Variants in SERPINA3 observed in about 807,000 individuals in gnomAD.
The protein encoded by SERPINA3 is serpin family A member 3.
SERPINA3 carries 32 observed loss-of-function variants against 26.8 expected under a neutral mutation model. That is an observed-to-expected ratio of 1.20 (90% CI 0.90 to 1.61). SERPINA3 has a LOEUF of 1.61. SERPINA3 is among the 40% of genes most tolerant of loss of function. SERPINA3 has a pLI of 0.00. For missense variants in SERPINA3, 632 were observed against 517.9 expected (o/e 1.22, Z -2.14); for synonymous variants, 252 against 206.4 (o/e 1.22, Z -1.89).
Position 94,619,208 on chromosome 14 carries a change from G to T in SERPINA3, c.657G>T (p.Met219Ile). Residue 219 changes from methionine to isoleucine, a missense_variant, in exon 3 of 5, where the codon ATG becomes ATT. Transcript: ENST00000393078. Reference sequence around the variant, plus strand: ...CTCCACCTTCAGCCAAATGGGAGATGCCCTTTGACCCCCAAGATACTCATC... The same window carrying T: ...CTCCACCTTCAGCCAAATGGGAGATTCCCTTTGACCCCCAAGATACTCATC... Reference protein sequence around the residue: ...NYIFFKAKWEMPFDPQDTHQS... With the variant: ...NYIFFKAKWEIPFDPQDTHQS... 1 of 1,613,708 alleles carries T rather than the reference G, an allele frequency of 6.2e-7. No individual in the cohort carries two copies. Among genetic ancestry groups the T allele is most frequent in the Non-Finnish European group, 8.5e-7 (1 of 1,179,612 alleles).
At chr14:94,621,270 G>A (rs1001295146) in intron 3 of SERPINA3, among the ~76,000 whole-genome samples, 3 of 152,136 alleles carry the variant, frequency 2.0e-5, no homozygotes, top group Non-Finnish European at 4.4e-5. Context: ...GGGAGCAGGG[G>A]CTCAGCAGAT....
chr14:94,614,498 T>C lies in SERPINA3; in HGVS notation c.57T>C (p.Pro19=), dbSNP rs1409961877. 6.2e-7 allele frequency: 1 copy of C among 1,614,016 alleles called. No homozygotes were observed. The highest frequency in any genetic ancestry group is 1.1e-5 in the South Asian group (1 of 91,078). The change falls in exon 2 of 5, where the codon CCT becomes CCC. Residue 19 remains proline, a synonymous_variant. Coordinates refer to ENST00000393078, the MANE Select transcript of SERPINA3 (RefSeq NM_001085.5). Reference sequence around the variant, plus strand: ...GGCTCTTGGCGGCTGGGTTCTGCCCTGCTGTCCTCTGCCACCCTAACAGCC... The same window carrying C: ...GGCTCTTGGCGGCTGGGTTCTGCCCCGCTGTCCTCTGCCACCCTAACAGCC... ...ALGLLAAGFC[P]AVLCHPNSPL...
intron 2 of SERPINA3, among the ~76,000 whole-genome samples, chr14:94,615,702 C>T (rs938334726): frequency 2.6e-5 from 4 of 152,206 alleles, no homozygotes; most frequent in Non-Finnish European, 5.9e-5. Flanking sequence ...GGCATTGTTC[C>T]CATCTGGGGA....
Position 94,614,712 on chromosome 14 carries a change from G to C in SERPINA3, c.271G>C (p.Ala91Pro), listed in dbSNP as rs775322306. 2 of 1,614,110 alleles carry C rather than the reference G, an allele frequency of 1.2e-6. No individual in the cohort carries two copies. Among genetic ancestry groups the C allele is most frequent in the East Asian group, 4.5e-5 (2 of 44,862 alleles). ...STALAFLSLG[A>P]HNTTLTEILK... ...CGCCTTGGCCTTCCTGTCTCTGGGG[G>C]CCCATAATACCACCCTGACAGAGAT... The change falls in exon 2 of 5, where the codon GCC becomes CCC. Residue 91 changes from alanine to proline, a missense_variant. Ala to Pro is a conservative substitution (Grantham distance 27). Coordinates refer to ENST00000393078, the MANE Select transcript of SERPINA3 (RefSeq NM_001085.5).
intron 3 of SERPINA3, among the ~76,000 whole-genome samples, chr14:94,620,782 G>T (rs150667059): frequency 6.6e-6 from 1 of 152,194 alleles, no homozygotes; most frequent in Non-Finnish European, 1.5e-5. Context: ...ATTTCATGGG[G>T]ACACAGTGAG....
At chr14:94,614,278 G>C (rs1885892458) in intron 1 of SERPINA3, 156 bp from the exon 2 acceptor site, 1 of 681,286 alleles carries the variant, frequency 1.5e-6, no homozygotes, top group Non-Finnish European at 2.6e-6. Flanking sequence ...AGAGTGATGT[G>C]TGTCGGGTGC....
intron 3 of SERPINA3, chr14:94,619,925 T>A (rs1886139078): frequency 4.9e-6 from 1 of 202,624 alleles, no homozygotes; most frequent in African/African-American, 2.3e-5. Flanking sequence ...AGACACTAAT[T>A]TGCACCCTGA....
chr14:94,615,046 A>AG lies in SERPINA3; in HGVS notation c.606dup (p.Thr203AspfsTer12), dbSNP rs754167795. The AG allele has an allele frequency of 6.2e-7, 1 of 1,614,190 alleles. No homozygotes were observed. Among genetic ancestry groups the AG allele is most frequent in the South Asian group, 1.1e-5 (1 of 91,078 alleles). Reference sequence around the variant, plus strand: ...GATCTGATCAAGGACCTTGACTCGCAGACAATGATGGTCCTGGTGAATTAC... The same window carrying AG: ...GATCTGATCAAGGACCTTGACTCGCAGGACAATGATGGTCCTGGTGAATTAC... On this transcript the variant is annotated frameshift_variant, in exon 2 of 5. Coordinates refer to ENST00000393078, the MANE Select transcript of SERPINA3 (RefSeq NM_001085.5). LOFTEE classifies it high-confidence loss of function.
intron 3 of SERPINA3, chr14:94,619,869 T>C: frequency 3.9e-6 from 1 of 258,008 alleles, no homozygotes; most frequent in South Asian, 6.8e-5. Context: ...ATTTATTCAT[T>C]CTCTCAGCAT....
At chr14:94,623,501 G>A in intron 4 of SERPINA3, 110 bp from the exon 5 acceptor site, 1 of 989,982 alleles carries the variant, frequency 1.0e-6, no homozygotes, top group Non-Finnish European at 1.6e-6. Context: ...ACAAAGACAG[G>A]CCAGCACTAG....
At chr14:94,619,664 C>T (rs1490695564) in intron 3 of SERPINA3, 196 bp downstream of exon 3, 1 of 657,540 alleles carries the variant, frequency 1.5e-6, no homozygotes, top group African/African-American at 1.8e-5. Context: ...TCAGACAGGA[C>T]AAGGGGCTGA....
intron 4 of SERPINA3, among the ~76,000 whole-genome samples, chr14:94,623,235 G>C (rs549370849): frequency 6.6e-6 from 1 of 152,370 alleles, no homozygotes; most frequent in South Asian, 2.1e-4. Flanking sequence ...TTGTGGTCAA[G>C]AGCTGCCGGG....
At chr14:94,623,487 C>T (rs982159244) in intron 4 of SERPINA3, 124 bp from the exon 5 acceptor site, 1 of 885,824 alleles carries the variant, frequency 1.1e-6, no homozygotes. Flanking sequence ...AAACATTCAA[C>T]AGCACAAAGA....
At chr14:94,616,694 A>G (rs1373526409) in intron 2 of SERPINA3, among the ~76,000 whole-genome samples, 1 of 152,178 alleles carries the variant, frequency 6.6e-6, no homozygotes, top group Non-Finnish European at 1.5e-5. Context: ...CAAGAAAGGA[A>G]GGTTTCCCCT....
At position 94,614,598 on chromosome 14, in the gene SERPINA3, A is replaced by G. The variant is rs1885913844; in HGVS notation, c.157A>G (p.Asn53Asp). 1.2e-6 allele frequency: 2 copies of G among 1,614,128 alleles called. No homozygotes were observed. The highest frequency in any genetic ancestry group is 4.5e-5 in the East Asian group (2 of 44,872). ...CGTGGACCTCGGATTAGCCTCCGCC[A>G]ACGTGGACTTCGCTTTCAGCCTGTA... The part of the protein sequence containing the change: ...THVDLGLASA[N>D]VDFAFSLYKQ... The change falls in exon 2 of 5, where the codon AAC (asparagine) becomes GAC (aspartate). Residue 53 changes from asparagine to aspartate, a missense_variant. Transcript: ENST00000393078.
In SERPINA3 at chr14:94,623,987, G is replaced by A; in HGVS notation, c.*173G>A. On this transcript the variant is annotated 3_prime_UTR_variant, in exon 5 of 5. Coordinates refer to ENST00000393078, the MANE Select transcript of SERPINA3 (RefSeq NM_001085.5). ...TCCCTGTGTAGCTCTCACATGCACA[G>A]GGGCCCATGGACTCTTCAGTCTGGA... The A allele has an allele frequency of 4.4e-6, 3 of 683,890 alleles. No individual in the cohort carries two copies. The highest frequency in any genetic ancestry group is 5.3e-6 in the Non-Finnish European group (2 of 379,270). The allele number at this position is 683,890 out of a possible 1,614,324, so 42.4% of individuals were successfully genotyped here. A position where few individuals can be genotyped will look rare whatever the true frequency, so the allele number is the denominator to read the frequency against.
At chr14:94,617,551 T>A (rs1886047417) in intron 2 of SERPINA3, 1 of 152,214 alleles carries the variant, frequency 6.6e-6, no homozygotes, top group Admixed American at 6.5e-5. Flanking sequence ...CCTCGTTTAA[T>A]TCTCGCAGCG....
intron 2 of SERPINA3, 113 bp from the exon 3 acceptor site, chr14:94,619,082 A>G: frequency 1.6e-6 from 2 of 1,244,092 alleles, no homozygotes; most frequent in Admixed American, 1.7e-5. Flanking sequence ...TCTCTAAACC[A>G]AAGCAGGGTC....
intron 2 of SERPINA3, among the ~76,000 whole-genome samples, chr14:94,616,956 G>A (rs1245966604): frequency 6.6e-6 from 1 of 152,050 alleles, no homozygotes; most frequent in Non-Finnish European, 1.5e-5. Flanking sequence ...GGCTTGTAGA[G>A]CTTGGGTGGT....
Sources: gnomAD v4.1 joint callset for allele counts (sites outside exome capture counted in the v4.1 genomes callset) on GRCh38, gnomAD v4.1.1 for gene constraint, MANE v1.5 for transcripts, NCBI Gene and HGNC (gene_info 2026-07-23, HGNC 2026-07-21) for gene names.